ASNS: variants seen among roughly 807,000 people sequenced by gnomAD.
ASNS encodes asparagine synthetase (glutamine-hydrolyzing), also known as asparagine synthetase [glutamine-hydrolyzing].
In ASNS, 37 loss-of-function variants were observed where a neutral mutation model predicts 62.6. The observed-to-expected ratio is 0.59, with a 90% CI of 0.45 to 0.78. ASNS has a LOEUF of 0.78. ASNS is among the 30% of genes least tolerant of loss of function. The pLI, the probability that ASNS is intolerant of heterozygous loss-of-function variation, is 0.00. For missense variants in ASNS, 520 were observed against 682.4 expected, an observed-to-expected ratio of 0.76 and a Z score of 2.65; for synonymous variants, 207 against 237.9, an observed-to-expected ratio of 0.87 and a Z score of 1.19.
the ASNS span, among the ~76,000 whole-genome samples, chr7:97,900,360 C>CAAAAAAAAAAA: frequency 2.4e-4 from 21 of 89,338 alleles, no homozygotes; most frequent in African/African-American, 3.3e-4. Context: ...GACTTTGTCT[C>CAAAAAAAAAAA]AAAAAAAAAA....
the ASNS span, among the ~76,000 whole-genome samples, chr7:97,904,911 AC>A: frequency 2.0e-5 from 3 of 152,134 alleles, no homozygotes; most frequent in Non-Finnish European, 4.4e-5. Flanking sequence ...TCCAAAGAAC[AC>A]CATTTGGGGA....
upstream of ASNS, among the ~76,000 whole-genome samples, chr7:97,877,269 AT>A (rs1225896256): frequency 6.6e-6 from 1 of 151,698 alleles, no homozygotes; most frequent in Non-Finnish European, 1.5e-5. Flanking sequence ...TAATTTTTGT[AT>A]TTTTAGTAGA....
the ASNS span, among the ~76,000 whole-genome samples, chr7:97,906,272 C>T: frequency 1.3e-5 from 2 of 152,192 alleles, no homozygotes; most frequent in East Asian, 1.9e-4. Context: ...CCACCACCGT[C>T]GCCCTGCCAT....
chr7:97,887,000 C>T, the ASNS span, among the ~76,000 whole-genome samples: 2 of 152,128 alleles, frequency 1.3e-5, no homozygotes, highest in African/African-American at 4.8e-5. Flanking sequence ...TCCTAATAGC[C>T]GGCCATCTTT....
At chr7:97,909,601 C>A in the ASNS span, among the ~76,000 whole-genome samples, 1 of 152,118 alleles carries the variant, frequency 6.6e-6, no homozygotes, top group Non-Finnish European at 1.5e-5. Flanking sequence ...AGCCACCGTG[C>A]CCAGCCCCCT....
intron 4 of ASNS, 106 bp downstream of exon 4, chr7:97,864,153 C>A: frequency 1.0e-6 from 1 of 986,330 alleles, no homozygotes; most frequent in Non-Finnish European, 1.5e-6. Context: ...ATAACTTAGT[C>A]ACTTGTAAAA....
chr7:97,888,417 G>C, the ASNS span, among the ~76,000 whole-genome samples: 2 of 151,610 alleles, frequency 1.3e-5, no homozygotes, highest in Non-Finnish European at 2.9e-5. Flanking sequence ...TATAGACCAA[G>C]GGCCAAATCT....
chr7:97,872,603 G>A (rs951952043), upstream of ASNS: 1 of 152,296 alleles, frequency 6.6e-6, no homozygotes, highest in African/African-American at 2.4e-5. Flanking sequence ...TTGCGTCTCA[G>A]TGCGCCTGTT....
intron 7 of ASNS, among the ~76,000 whole-genome samples, chr7:97,857,513 G>A (rs1194916987): frequency 2.0e-5 from 3 of 148,100 alleles, no homozygotes. Context: ...CCCCATAGCA[G>A]ACACTATTAT....
the ASNS span, among the ~76,000 whole-genome samples, chr7:97,927,028 C>T: frequency 6.6e-6 from 1 of 150,650 alleles, no homozygotes; most frequent in Non-Finnish European, 1.5e-5. Flanking sequence ...CCACCTCAGC[C>T]TCCCAAGTAC....
the ASNS span, among the ~76,000 whole-genome samples, chr7:97,893,559 A>T: frequency 6.6e-6 from 1 of 152,270 alleles, no homozygotes; most frequent in Non-Finnish European, 1.5e-5. Flanking sequence ...AGAAATCAAA[A>T]ATAATCAGGA....
At chr7:97,913,311 C>T in the ASNS span, among the ~76,000 whole-genome samples, 5 of 152,168 alleles carry the variant, frequency 3.3e-5, no homozygotes, top group Non-Finnish European at 7.3e-5. Context: ...CCAACTACTA[C>T]CCATCCCAGA....
At position 97,853,162 on chromosome 7, in the gene ASNS, T is replaced by C; in HGVS notation, c.1374A>G (p.Ile458Met). The change falls in exon 12 of 13, where the codon ATA (isoleucine) becomes ATG (methionine). Residue 458 changes from isoleucine (I) to methionine (M), a missense_variant. Transcript: ENST00000394308. The part of the protein sequence containing the change: ...LRETFEDSNL[I>M]PKEILWRPKE... ...TTGGTCGCCAGAGAATCTCTTTGGGTATCAGATTGGAATCCTCAAACGTCT... is the reference window on the plus strand; with the variant it reads ...TTGGTCGCCAGAGAATCTCTTTGGGCATCAGATTGGAATCCTCAAACGTCT... 1.9e-6 allele frequency: 3 copies of C among 1,611,872 alleles called. No individual in the cohort carries two copies. Among genetic ancestry groups the C allele is most frequent in the South Asian group, 1.1e-5 (1 of 90,486 alleles).
At chr7:97,928,424 C>A in the ASNS span, 14 of 508,074 alleles carry the variant, frequency 2.8e-5, no homozygotes, top group East Asian at 4.5e-4. Flanking sequence ...GCACCGGGGC[C>A]GGCGCGGGCT....
At chr7:97,919,322 G>A in the ASNS span, among the ~76,000 whole-genome samples, 1 of 152,092 alleles carries the variant, frequency 6.6e-6, no homozygotes, top group African/African-American at 2.4e-5. Context: ...CACTATTTTG[G>A]CCAAGCTGGT....
the ASNS span, among the ~76,000 whole-genome samples, chr7:97,904,949 C>T: frequency 2.6e-5 from 4 of 152,198 alleles, no homozygotes; most frequent in East Asian, 1.9e-4. Flanking sequence ...ATGATGAAAA[C>T]GGCCCCAAGA....
chr7:97,876,885 A>T (rs1430904800), upstream of ASNS, among the ~76,000 whole-genome samples: 1 of 152,102 alleles, frequency 6.6e-6, no homozygotes, highest in African/African-American at 2.4e-5. Flanking sequence ...CGCTGTAATG[A>T]CTTTAGGTAT....
the ASNS span, among the ~76,000 whole-genome samples, chr7:97,900,023 A>G: frequency 3.3e-5 from 5 of 152,312 alleles, no homozygotes; most frequent in Admixed American, 3.3e-4. Flanking sequence ...CAAAACCACA[A>G]TGAGATACCA....
At chr7:97,904,317 C>CACACAGAG in the ASNS span, among the ~76,000 whole-genome samples, 11 of 146,626 alleles carry the variant, frequency 7.5e-5, no homozygotes, top group Non-Finnish European at 1.7e-4. Context: ...CACACACACA[C>CACACAGAG]AGAGAGAGAG....
Sources: gnomAD v4.1 joint callset for allele counts (sites outside exome capture counted in the v4.1 genomes callset) on GRCh38, gnomAD v4.1.1 for gene constraint, MANE v1.5 for transcripts, NCBI Gene and HGNC (gene_info 2026-07-23, HGNC 2026-07-21) for gene names.